The following CSMD1 variants were observed in gnomAD, a reference collection of about 807,000 sequenced individuals.
CSMD1 encodes the protein CUB and sushi domain-containing protein 1.
CSMD1 carries 213 observed loss-of-function variants against 417.5 expected under a neutral mutation model. The ratio of observed to expected loss-of-function variants is 0.51; its 90% CI spans 0.46 to 0.57. The LOEUF (loss-of-function observed/expected upper bound fraction) is 0.57, where lower values mean the gene tolerates loss of function less well. Among genes scored for constraint, CSMD1 ranks in the 20% least tolerant of loss-of-function variants. CSMD1 has a pLI of 0.00. For missense variants in CSMD1, 6,923 were observed against 4,529.7 expected (o/e 1.53, Z -15.17); for synonymous variants, 2,862 against 1,736.8 (o/e 1.65, Z -16.11).
rs141824640 is a variant in CSMD1 at position 3,674,864 on chromosome 8, T to C, written c.1009+33550A>G. Reference sequence around the variant, plus strand: ...TTGCAGTAAAGACTATCCTTTAAATTTGAAAAAGGATGGACAACGTAAGAC... The same window carrying C: ...TTGCAGTAAAGACTATCCTTTAAATCTGAAAAAGGATGGACAACGTAAGAC... On this transcript the variant is annotated intron_variant, in intron 7 of 69. Transcript: ENST00000635120. Among the ~76,000 whole-genome samples the C allele has an allele frequency of 8.7e-4, 133 of 152,240 alleles. 1 individual carries two copies. Among genetic ancestry groups the C allele is most frequent in the African/African-American group, 2.8e-3 (117 of 41,542 alleles).
In CSMD1 at chr8:3,296,476, G is replaced by A. The variant is rs536785651; in HGVS notation, c.3950+11219C>T. Among the ~76,000 whole-genome samples the A allele has an allele frequency of 9.9e-5, 15 of 152,168 alleles. No homozygotes were observed. The South Asian group carries it at 1.5e-3, about 15-fold the overall frequency. ...TAGGCTGTTTTAAGGATGATACACC[G>A]ATGCGGGATTTTAAGGATGATATAC... On this transcript the variant is annotated intron_variant, in intron 25 of 69. Coordinates refer to ENST00000635120, the MANE Select transcript of CSMD1 (RefSeq NM_033225.6).
At chr8:3,558,206 TA>T in intron 10 of CSMD1, among the ~76,000 whole-genome samples, 2 of 148,786 alleles carry the variant, frequency 1.3e-5, no homozygotes, top group African/African-American at 5.0e-5. Context: ...AGTGCCTCAG[TA>T]GTACCCCGTA....
intron 33 of CSMD1, among the ~76,000 whole-genome samples, chr8:3,191,080 T>G (rs1047214705): frequency 1.3e-5 from 2 of 152,162 alleles, no homozygotes; most frequent in African/African-American, 4.8e-5. Context: ...GAGGGTAGAT[T>G]TTTCTAATGA....
intron 5 of CSMD1, among the ~76,000 whole-genome samples, chr8:3,881,622 A>C (rs1271749047): frequency 2.2e-5 from 3 of 137,780 alleles, no homozygotes; most frequent in South Asian, 2.2e-4. Flanking sequence ...AAAAAAAAAA[A>C]CAAAAACAAA....
intron 42 of CSMD1, among the ~76,000 whole-genome samples, chr8:3,114,643 T>C (rs1041253877): frequency 1.3e-5 from 2 of 152,004 alleles, no homozygotes; most frequent in Non-Finnish European, 2.9e-5. Context: ...CGGTTGGTAA[T>C]GGAGATTTTA....
chr8:3,892,715 G>GT (rs35178951), intron 5 of CSMD1, among the ~76,000 whole-genome samples: 8,728 of 106,968 alleles, frequency 0.082, 655 homozygotes, highest in African/African-American at 0.19. Context: ...ATTTAGGCAG[G>GT]TTTTTTTTTT....
At chr8:4,124,251 T>A (rs1802642464) in intron 3 of CSMD1, among the ~76,000 whole-genome samples, 1 of 152,030 alleles carries the variant, frequency 6.6e-6, no homozygotes, top group Non-Finnish European at 1.5e-5. Flanking sequence ...CTGAGGTCAT[T>A]AACAGTAAGC....
chr8:4,068,492 A>G (rs1278784640), intron 3 of CSMD1, among the ~76,000 whole-genome samples: 3 of 152,248 alleles, frequency 2.0e-5, no homozygotes, highest in African/African-American at 7.2e-5. Flanking sequence ...TAGCATCATT[A>G]CAGAAACAAA....
At chr8:3,785,079 C>T (rs187286485) in intron 5 of CSMD1, among the ~76,000 whole-genome samples, 89 of 152,256 alleles carry the variant, frequency 5.8e-4, no homozygotes, top group Non-Finnish European at 9.7e-4. Context: ...GCATAGTGGA[C>T]TTTGGGTCAA....
At chr8:4,033,634 C>T (rs930698519) in intron 3 of CSMD1, among the ~76,000 whole-genome samples, 3 of 152,158 alleles carry the variant, frequency 2.0e-5, no homozygotes, top group Admixed American at 1.3e-4. Context: ...TTCTCAGGAC[C>T]TCCTGAGGGC....
intron 49 of CSMD1, among the ~76,000 whole-genome samples, chr8:3,065,734 T>C (rs1490145839): frequency 6.6e-6 from 1 of 152,140 alleles, no homozygotes; most frequent in Non-Finnish European, 1.5e-5. Context: ...CTACAAAGCA[T>C]CTGATAAGTA....
chr8:4,407,179 G>C (rs1319704484), intron 3 of CSMD1, among the ~76,000 whole-genome samples: 1 of 152,156 alleles, frequency 6.6e-6, no homozygotes, highest in Non-Finnish European at 1.5e-5. Flanking sequence ...TACCAAAGAA[G>C]TTTGCCAGTC....
chr8:3,048,696 A>T (rs1188906433), intron 50 of CSMD1, among the ~76,000 whole-genome samples: 5 of 152,170 alleles, frequency 3.3e-5, no homozygotes, highest in Non-Finnish European at 7.3e-5. Flanking sequence ...AGATACAAAA[A>T]CAGAGGCAGG....
chr8:3,438,344 T>C (rs1316680504), intron 12 of CSMD1, among the ~76,000 whole-genome samples: 6 of 152,162 alleles, frequency 3.9e-5, no homozygotes, highest in African/African-American at 1.4e-4. Context: ...TATACTGACG[T>C]TGAAACAGGT....
intron 1 of CSMD1, among the ~76,000 whole-genome samples, chr8:4,797,724 G>C (rs1258084891): frequency 2.6e-5 from 4 of 152,052 alleles, no homozygotes; most frequent in Non-Finnish European, 2.9e-5. Context: ...TCCTTAACTG[G>C]GATAGGTACA....
rs202172294 is a variant in CSMD1, at chr8:3,437,766, G to A, written c.1562-28161C>T. On this transcript the variant is annotated intron_variant, in intron 12 of 69. Transcript: ENST00000635120. ...ATTGATATCTTTTCTTTTTTTTTTTGTTTCAGAGTCTTGCTCTGTTGCCCA... is the reference window on the plus strand; with the variant it reads ...ATTGATATCTTTTCTTTTTTTTTTTATTTCAGAGTCTTGCTCTGTTGCCCA... Among the ~76,000 whole-genome samples the A allele has an allele frequency of 4.4e-3, 497 of 112,752 alleles. 3 individuals are homozygous for A. Among genetic ancestry groups the A allele is most frequent in the South Asian group, 0.03 (106 of 3,480 alleles). The allele number at this position is 112,752 out of a possible 152,430, so 74.0% of individuals were successfully genotyped here.
intron 3 of CSMD1, among the ~76,000 whole-genome samples, chr8:4,206,121 T>C (rs1475042004): frequency 6.6e-6 from 1 of 152,198 alleles, no homozygotes; most frequent in African/African-American, 2.4e-5. Flanking sequence ...GGGAAAAGGA[T>C]AGGGAGGGTA....
intron 10 of CSMD1, among the ~76,000 whole-genome samples, chr8:3,500,005 G>A (rs1388796710): frequency 6.6e-6 from 1 of 152,058 alleles, no homozygotes; most frequent in Non-Finnish European, 1.5e-5. Context: ...GCCTGTGGGG[G>A]CTTTTCTGAA....
At chr8:3,129,840 T>G (rs1369585775) in intron 41 of CSMD1, among the ~76,000 whole-genome samples, 2 of 151,994 alleles carry the variant, frequency 1.3e-5, no homozygotes, top group African/African-American at 4.8e-5. Flanking sequence ...AATACAAAAT[T>G]TAGCCGGGCA....
Sources: allele counts gnomAD v4.1 joint callset (sites outside exome capture counted in the v4.1 genomes callset), GRCh38; gene constraint gnomAD v4.1.1; transcripts MANE v1.5; gene names NCBI Gene and HGNC (gene_info 2026-07-23, HGNC 2026-07-21).